TBC1D22A: variants seen among roughly 807,000 people sequenced by gnomAD.
The protein encoded by TBC1D22A is TBC1 domain family member 22A, also known as putative GTPase activator.
A neutral mutation model predicts 60.2 loss-of-function variants in TBC1D22A; 38 were observed. The observed-to-expected ratio is 0.63, with a 90% CI of 0.49 to 0.83. TBC1D22A has a LOEUF of 0.83. Ranked by LOEUF, TBC1D22A falls within the 40% of genes least tolerant of loss-of-function variation. The pLI, the probability that TBC1D22A is intolerant of heterozygous loss-of-function variation, is 0.00. For synonymous variants in TBC1D22A, 302 were observed against 281.7 expected (o/e 1.07, Z -0.72); for missense variants, 628 against 701.0 (o/e 0.90, Z 1.18).
chr22:46,841,800 A>G (rs2086784043), intron 4 of TBC1D22A, among the ~76,000 whole-genome samples: 1 of 152,152 alleles, frequency 6.6e-6, no homozygotes, highest in Non-Finnish European at 1.5e-5. Flanking sequence ...ACTGTATGGT[A>G]TACTTGGAAT....
chr22:47,130,548 T>C (rs547593126), intron 12 of TBC1D22A, among the ~76,000 whole-genome samples: 1 of 152,316 alleles, frequency 6.6e-6, no homozygotes, highest in African/African-American at 2.4e-5. Context: ...GAATTTGCTC[T>C]CCTCTCTTAC....
chr22:47,146,742 G>A (rs1413868827), intron 12 of TBC1D22A, among the ~76,000 whole-genome samples: 2 of 152,150 alleles, frequency 1.3e-5, no homozygotes, highest in Admixed American at 6.5e-5. Context: ...TTTGCCTGCC[G>A]GGACACAGGA....
At chr22:46,783,751 C>T (rs1243151022) in intron 1 of TBC1D22A, among the ~76,000 whole-genome samples, 2 of 152,244 alleles carry the variant, frequency 1.3e-5, no homozygotes, top group Admixed American at 6.5e-5. Context: ...AGTTCATTCA[C>T]ATCTGCTATG....
chr22:47,088,891 A>G (rs1170652249), intron 11 of TBC1D22A, among the ~76,000 whole-genome samples: 1 of 152,204 alleles, frequency 6.6e-6, no homozygotes, highest in Non-Finnish European at 1.5e-5. Context: ...GCGTTCTCGC[A>G]CACACACAGA....
Position 46,824,692 on chromosome 22 carries a change from G to A in TBC1D22A, c.637+27072G>A, listed in dbSNP as rs544738287. ...GGTGGTGGCTGGAGTCGGTGGAGGT[G>A]GAGGAGGTGATGAGAAGTCTGGGGT... On this transcript the variant is annotated intron_variant, in intron 4 of 12. Transcript: ENST00000337137. 2.6e-5 allele frequency among the ~76,000 whole-genome samples: 4 copies of A among 152,204 alleles called. No homozygotes were observed. The East Asian group carries it at 7.7e-4, about 29-fold the overall frequency.
chr22:47,010,713 T>G lies in TBC1D22A; in HGVS notation c.1201+13004T>G, dbSNP rs551950767. ...CTACCCCAGGCAGGAATTTGCTCTC[T>G]TGTTGGATGGATGTCCTGAGTTTCT... On this transcript the variant is annotated intron_variant, in intron 10 of 12. Transcript: ENST00000337137. 3.0e-4 allele frequency among the ~76,000 whole-genome samples: 45 copies of G among 152,338 alleles called. 1 individual carries two copies. Among genetic ancestry groups the G allele is most frequent in the African/African-American group, 1.1e-3 (44 of 41,580 alleles).
chr22:46,898,460 G>A (rs1402655771), intron 7 of TBC1D22A, among the ~76,000 whole-genome samples: 2 of 152,194 alleles, frequency 1.3e-5, no homozygotes, highest in African/African-American at 4.8e-5. Context: ...TGGATATTGA[G>A]AAGTGCACAG....
chr22:46,829,504 G>A (rs895404147), intron 4 of TBC1D22A, among the ~76,000 whole-genome samples: 2 of 152,272 alleles, frequency 1.3e-5, no homozygotes, highest in South Asian at 2.1e-4. Context: ...TCTTCTAACC[G>A]ACTTACTAGC....
At chr22:46,801,784 C>T (rs139369920) in intron 4 of TBC1D22A, among the ~76,000 whole-genome samples, 111 of 152,320 alleles carry the variant, frequency 7.3e-4, no homozygotes, top group African/African-American at 2.3e-3. Context: ...GGCCAGGCCA[C>T]GGCTGTGTTC....
chr22:46,779,869 G>A (rs1267652733), intron 1 of TBC1D22A, among the ~76,000 whole-genome samples: 1 of 152,038 alleles, frequency 6.6e-6, no homozygotes, highest in African/African-American at 2.4e-5. Flanking sequence ...AGAGTGGTGT[G>A]GGTGTCGGGG....
intron 4 of TBC1D22A, among the ~76,000 whole-genome samples, chr22:46,844,467 T>C (rs2086905764): frequency 6.6e-6 from 1 of 152,200 alleles, no homozygotes; most frequent in Non-Finnish European, 1.5e-5. Context: ...GCCACCAGCA[T>C]AAAGCTAGTG....
chr22:46,891,937 T>G (rs966540825), intron 6 of TBC1D22A, among the ~76,000 whole-genome samples: 2 of 152,218 alleles, frequency 1.3e-5, no homozygotes, highest in Non-Finnish European at 2.9e-5. Context: ...ATTTTGTGAT[T>G]TAGTTTAATA....
At chr22:46,906,219 A>G (rs1186309962) in intron 7 of TBC1D22A, among the ~76,000 whole-genome samples, 2 of 152,174 alleles carry the variant, frequency 1.3e-5, no homozygotes, top group Admixed American at 1.3e-4. Flanking sequence ...TGTAAATCGT[A>G]TATGTTTTCT....
intron 12 of TBC1D22A, among the ~76,000 whole-genome samples, chr22:47,143,941 C>T (rs1431710298): frequency 6.6e-6 from 1 of 152,188 alleles, no homozygotes; most frequent in South Asian, 2.1e-4. Flanking sequence ...TCTTCTGCTC[C>T]AGCATCCTGT....
chr22:47,005,889 T>C (rs761653729), intron 10 of TBC1D22A, among the ~76,000 whole-genome samples: 3 of 148,104 alleles, frequency 2.0e-5, no homozygotes, highest in Admixed American at 6.7e-5. Context: ...ACACACCTCC[T>C]ACACACATCT....
chr22:46,974,844 G>A (rs762597480), intron 9 of TBC1D22A, among the ~76,000 whole-genome samples: 11 of 152,372 alleles, frequency 7.2e-5, no homozygotes, highest in East Asian at 3.9e-4. Flanking sequence ...CTCCAGGTGC[G>A]TGGGGCGCTG....
intron 1 of TBC1D22A, among the ~76,000 whole-genome samples, chr22:46,771,719 C>T (rs1054589004): frequency 1.7e-4 from 26 of 152,058 alleles, no homozygotes; most frequent in African/African-American, 2.7e-4. Flanking sequence ...CTCAGCCTCC[C>T]GAGTGGCTGG....
intron 12 of TBC1D22A, among the ~76,000 whole-genome samples, chr22:47,158,421 G>A (rs1255442960): frequency 6.6e-6 from 1 of 152,184 alleles, no homozygotes; most frequent in African/African-American, 2.4e-5. Context: ...AAAGGGGAGA[G>A]GAGAGGCACT....
In TBC1D22A at chr22:47,083,320, A is replaced by T. The variant is rs960408821; in HGVS notation, c.1330-28188A>T. 2.7e-5 allele frequency among the ~76,000 whole-genome samples: 4 copies of T among 150,164 alleles called. No homozygotes were observed. In the Admixed American group the frequency reaches 2.7e-4, roughly 10 times the overall value. On this transcript the variant is annotated intron_variant, in intron 11 of 12. Transcript: ENST00000337137. ...CGAAAAAAACTATTAAAATCATGTA[A>T]AATGTTGAAATCTAGAAATACTTAG... is the stretch of plus-strand genomic sequence containing the variant.
Sources: allele counts gnomAD v4.1 joint callset (sites outside exome capture counted in the v4.1 genomes callset), GRCh38; gene constraint gnomAD v4.1.1; transcripts MANE v1.5; gene names NCBI Gene and HGNC (gene_info 2026-07-23, HGNC 2026-07-21).